The following EBF1 variants were observed in gnomAD, a reference collection of about 807,000 sequenced individuals.
EBF1 encodes transcription factor COE1.
Under a neutral mutation model 68.4 loss-of-function variants are expected in EBF1, and 10 were observed. That is an observed-to-expected ratio of 0.15 (90% confidence interval 0.09 to 0.25). The LOEUF is 0.25. Among genes scored for constraint, EBF1 ranks in the 10% least tolerant of loss-of-function variants. EBF1 has a pLI of 1.00. For synonymous variants in EBF1, 298 were observed against 299.8 expected (o/e 0.99, Z 0.06); for missense variants, 509 against 794.4 (o/e 0.64, Z 4.32).
At chr5:158,791,388 T>G (rs989771705) in intron 9 of EBF1, among the ~76,000 whole-genome samples, 3 of 151,748 alleles carry the variant, frequency 2.0e-5, no homozygotes, top group African/African-American at 7.3e-5. Context: ...AGACTAAGTC[T>G]TTCATTTTCA....
intron 6 of EBF1, among the ~76,000 whole-genome samples, chr5:158,911,866 T>A (rs1431430284): frequency 6.6e-6 from 1 of 152,214 alleles, no homozygotes; most frequent in African/African-American, 2.4e-5. Context: ...ATCCCATTGT[T>A]ATCCAATTTA....
chr5:159,014,006 A>G (rs1336798209), intron 6 of EBF1, among the ~76,000 whole-genome samples: 1 of 152,196 alleles, frequency 6.6e-6, no homozygotes, highest in Non-Finnish European at 1.5e-5. Flanking sequence ...TAAGTTCCAA[A>G]TTATTTTAAA....
chr5:158,880,373 G>A (rs1582839850), intron 6 of EBF1, among the ~76,000 whole-genome samples: 1 of 151,986 alleles, frequency 6.6e-6, no homozygotes. Context: ...TTTAAATAAG[G>A]GTCAGTTGGA....
intron 6 of EBF1, among the ~76,000 whole-genome samples, chr5:159,071,515 CA>C (rs1777786197): frequency 6.6e-6 from 1 of 152,144 alleles, no homozygotes; most frequent in African/African-American, 2.4e-5. Context: ...AAAGCGGCAA[CA>C]ATAGAAGCCA....
chr5:158,979,057 G>A (rs969456195), intron 6 of EBF1, among the ~76,000 whole-genome samples: 5 of 152,030 alleles, frequency 3.3e-5, no homozygotes, highest in African/African-American at 1.2e-4. Context: ...AAAGATAAGA[G>A]AAATACCATC....
intron 15 of EBF1, among the ~76,000 whole-genome samples, chr5:158,700,043 G>A (rs1422556788): frequency 6.6e-6 from 1 of 152,212 alleles, no homozygotes; most frequent in Non-Finnish European, 1.5e-5. Context: ...TATTGGAGAG[G>A]TGAATAAAAT....
intron 6 of EBF1, among the ~76,000 whole-genome samples, chr5:159,020,509 C>G (rs886320900): frequency 6.6e-6 from 1 of 152,172 alleles, no homozygotes; most frequent in African/African-American, 2.4e-5. Flanking sequence ...CTCCTCTGCT[C>G]TCTTTACCAC....
At chr5:159,067,871 A>G (rs1280170667) in intron 6 of EBF1, among the ~76,000 whole-genome samples, 1 of 152,124 alleles carries the variant, frequency 6.6e-6, no homozygotes, top group African/African-American at 2.4e-5. Flanking sequence ...AACCTCTCAA[A>G]CCAACCAAAA....
chr5:158,848,294 C>T (rs6885117), intron 6 of EBF1, among the ~76,000 whole-genome samples: 11 of 122,678 alleles, frequency 9.0e-5, no homozygotes, highest in African/African-American at 2.0e-4. Context: ...ATATATATAT[C>T]GTGGGATCAT....
At chr5:159,096,080 G>C (rs1386596491) in intron 3 of EBF1, among the ~76,000 whole-genome samples, 1 of 152,270 alleles carries the variant, frequency 6.6e-6, no homozygotes, top group Non-Finnish European at 1.5e-5. Context: ...GCCTCAGGAA[G>C]GGGAGGAAGA....
intron 10 of EBF1, among the ~76,000 whole-genome samples, chr5:158,747,484 A>ACTCCTGGC (rs1767847131): frequency 6.6e-6 from 1 of 152,158 alleles, no homozygotes. Context: ...ATCTTCATAT[A>ACTCCTGGC]CATGATCTAT....
chr5:159,014,377 A>T (rs1429952529), intron 6 of EBF1, among the ~76,000 whole-genome samples: 1 of 152,212 alleles, frequency 6.6e-6, no homozygotes, highest in Non-Finnish European at 1.5e-5. Flanking sequence ...TTTAATTAAA[A>T]AGAGCTATGT....
At chr5:158,935,316 A>G (rs1357177223) in intron 6 of EBF1, among the ~76,000 whole-genome samples, 2 of 152,190 alleles carry the variant, frequency 1.3e-5, no homozygotes, top group African/African-American at 4.8e-5. Context: ...CACAGTCCAG[A>G]GGCACCAAGG....
chr5:158,976,361 C>G (rs1299630071), intron 6 of EBF1, among the ~76,000 whole-genome samples: 1 of 151,736 alleles, frequency 6.6e-6, no homozygotes, highest in African/African-American at 2.4e-5. Context: ...CCCCCTCCAG[C>G]TTGATTTCAC....
intron 6 of EBF1, among the ~76,000 whole-genome samples, chr5:158,910,565 T>A (rs1385325134): frequency 1.3e-5 from 2 of 152,240 alleles, no homozygotes; most frequent in Non-Finnish European, 2.9e-5. Flanking sequence ...CAAAGATGAT[T>A]TTTTTAAACT....
intron 6 of EBF1, among the ~76,000 whole-genome samples, chr5:158,924,635 G>A (rs1389668841): frequency 6.6e-6 from 1 of 151,908 alleles, no homozygotes; most frequent in Non-Finnish European, 1.5e-5. Flanking sequence ...GGCGGATCAC[G>A]AGGTCACGAG....
chr5:158,732,130 A>G (rs1482363160), intron 10 of EBF1, among the ~76,000 whole-genome samples: 6 of 152,050 alleles, frequency 3.9e-5, no homozygotes, highest in Non-Finnish European at 4.4e-5. Flanking sequence ...TTTTTTTAAA[A>G]TTTCTTGTCT....
intron 6 of EBF1, chr5:158,941,154 T>G (rs1561575691): frequency 2.2e-6 from 1 of 455,658 alleles, no homozygotes; most frequent in Non-Finnish European, 4.4e-6. Context: ...GGGGCTTTTC[T>G]GTAAACCATT....
chr5:159,097,650 G>A (rs543365120), intron 1 of EBF1: 20 of 234,792 alleles, frequency 8.5e-5, no homozygotes, highest in African/African-American at 4.4e-4. Flanking sequence ...CCGGCCTTGG[G>A]AAGCCACATC....
Sources: allele counts gnomAD v4.1 joint callset (sites outside exome capture counted in the v4.1 genomes callset), GRCh38; gene constraint gnomAD v4.1.1; transcripts MANE v1.5; gene names NCBI Gene and HGNC (gene_info 2026-07-23, HGNC 2026-07-21).